The following OFD1 variants were observed in gnomAD, a reference collection of about 807,000 sequenced individuals.
The protein encoded by OFD1 is centriole and centriolar satellite protein OFD1.
OFD1 carries 12 observed loss-of-function variants against 81.4 expected under a neutral mutation model. That is an observed-to-expected ratio of 0.15 (90% CI 0.09 to 0.24). OFD1 has a LOEUF of 0.24. Among genes scored for constraint, OFD1 ranks in the 10% least tolerant of loss-of-function variants. OFD1 has a pLI of 1.00. For synonymous variants in OFD1, 256 were observed against 263.7 expected (o/e 0.97, Z 0.28); for missense variants, 685 against 733.9 (o/e 0.93, Z 0.77).
chrX:13,755,998 T>C (rs2047695761), intron 12 of OFD1, among the ~76,000 whole-genome samples: 1 of 90,896 alleles, frequency 1.1e-5, no homozygotes, highest in Admixed American at 1.5e-4. Flanking sequence ...TCGCCCAGGC[T>C]GGAGTGCAGT....
rs779977978 is a variant in OFD1, at chrX:13,740,238, C to G, written c.412+1206C>G. 9.8e-6 allele frequency: 8 copies of G among 820,473 alleles called. No homozygotes were observed. In the South Asian group the frequency reaches 1.5e-4, roughly 15 times the overall value. The allele number at this position is 820,473 out of a possible 1,213,427, so 67.6% of individuals were successfully genotyped here. On this transcript the variant is annotated intron_variant, in intron 5 of 22. Coordinates refer to ENST00000340096, the MANE Select transcript of OFD1 (RefSeq NM_003611.3). ...GGTAAATGATCCTATATTCTGTACT[C>G]TAAGTGTCGTCCAGTGTGACTCTCT...
chrX:13,722,591 A>G, the OFD1 span, among the ~76,000 whole-genome samples: 1 of 111,789 alleles, frequency 8.9e-6, no homozygotes. Flanking sequence ...CTGGGAGAAA[A>G]TGACCTCATT....
chrX:13,722,923 T>C, the OFD1 span, among the ~76,000 whole-genome samples: 2 of 108,723 alleles, frequency 1.8e-5, no homozygotes, highest in Non-Finnish European at 3.8e-5. Context: ...ATTAGCCGAG[T>C]GTGGTGGTGG....
At chrX:13,735,561 G>T (rs1435327362) in intron 2 of OFD1, among the ~76,000 whole-genome samples, 2 of 112,432 alleles carry the variant, frequency 1.8e-5, no homozygotes, top group African/African-American at 3.2e-5. Context: ...TCTTAAAGGA[G>T]CATATTCAAA....
chrX:13,755,302 C>A, intron 12 of OFD1, 60 bp downstream of exon 12: 1 of 835,170 alleles, frequency 1.2e-6, no homozygotes, highest in South Asian at 2.1e-5. Flanking sequence ...AAATTTTAGT[C>A]ATACATAATT....
upstream of OFD1, among the ~76,000 whole-genome samples, chrX:13,733,765 A>C (rs1286993602): frequency 9.2e-6 from 1 of 109,204 alleles, no homozygotes; most frequent in Non-Finnish European, 1.9e-5. Flanking sequence ...TTTTCTTTTA[A>C]TGATTCCTTT....
At chrX:13,757,375 G>C (rs1267635519) in intron 13 of OFD1, among the ~76,000 whole-genome samples, 1 of 111,890 alleles carries the variant, frequency 8.9e-6, no homozygotes, top group African/African-American at 3.3e-5. Flanking sequence ...CAGTAGAGGA[G>C]AGAAACAGGC....
In OFD1 at chrX:13,768,186, A is replaced by G; in HGVS notation, c.2890A>G (p.Ile964Val). 4 of 1,211,481 alleles carry G rather than the reference A, an allele frequency of 3.3e-6. No individual in the cohort carries two copies. The highest frequency in any genetic ancestry group is 4.5e-6 in the Non-Finnish European group (4 of 895,029). ...SENPLEKYMK[I>V]IQQEQDQESA... The stretch of plus-strand genomic sequence containing the variant: ...AAATCCTTTAGAGAAATACATGAAA[A>G]TCATCCAGCAGGAGCAAGACCAGGA... The change falls in exon 21 of 23, where the codon ATC becomes GTC. Residue 964 changes from isoleucine to valine, a missense_variant. Around this residue, in one of 3 missense-constraint regions of OFD1, gnomAD observed 259 missense variants for 254.4 expected, o/e 1.02. Transcript: ENST00000340096.
chrX:13,756,926 G>A (rs1221124604), intron 13 of OFD1, among the ~76,000 whole-genome samples, 159 bp downstream of exon 13: 1 of 112,154 alleles, frequency 8.9e-6, no homozygotes, highest in African/African-American at 3.2e-5. Flanking sequence ...CCTGCCTATA[G>A]GTGGTATCAA....
At chrX:13,723,992 CA>C in the OFD1 span, among the ~76,000 whole-genome samples, 1 of 111,830 alleles carries the variant, frequency 8.9e-6, no homozygotes, top group African/African-American at 3.3e-5. Context: ...AGAGGAAAGT[CA>C]GGGGGAAGTG....
At chrX:13,714,589 T>C in the OFD1 span, 325 of 559,221 alleles carry the variant, frequency 5.8e-4, 2 homozygotes, top group African/African-American at 6.4e-3. Context: ...AGTTTTAAAT[T>C]AAAAACCAAA....
Position 13,757,715 on chromosome X carries a change from C to T in OFD1, c.1467C>T (p.Ala489=), listed in dbSNP as rs1366105128. 25 of 1,207,801 alleles carry T rather than the reference C, an allele frequency of 2.1e-5. No individual in the cohort carries two copies. The highest frequency in any genetic ancestry group is 5.3e-5 in the African/African-American group (3 of 56,597). The change falls in exon 14 of 23, where the codon GCC becomes GCT. Residue 489 remains alanine, a synonymous_variant. Coordinates refer to ENST00000340096, the MANE Select transcript of OFD1 (RefSeq NM_003611.3). ...TCTTTCAGAAAGAACTACGGAAAGC[C>T]GAAAAGGCTATAGTGGTTGAGCATG... The part of the protein sequence containing the change: ...LAVFQKELRK[A]EKAIVVEHEE...
At chrX:13,734,727 C>G, upstream of OFD1, 2 of 1,017,390 alleles carry the variant, frequency 2.0e-6, no homozygotes, top group Non-Finnish European at 2.5e-6. Flanking sequence ...CTATATTTAG[C>G]AGGTTTCCGG....
At chrX:13,757,328 T>C (rs2047747149) in intron 13 of OFD1, among the ~76,000 whole-genome samples, 1 of 112,080 alleles carries the variant, frequency 8.9e-6, no homozygotes, top group African/African-American at 3.2e-5. Flanking sequence ...AGGGCTGTCA[T>C]CAACAGGTAG....
At chrX:13,736,978 A>G (rs1602771736) in intron 3 of OFD1, among the ~76,000 whole-genome samples, 1 of 112,356 alleles carries the variant, frequency 8.9e-6, no homozygotes, top group Non-Finnish European at 1.9e-5. Flanking sequence ...GACTCTGCCA[A>G]TCTGCTGAAT....
At chrX:13,753,632 C>T (rs1318641702) in intron 11 of OFD1, 191 bp downstream of exon 11, 3 of 411,752 alleles carry the variant, frequency 7.3e-6, no homozygotes, top group Non-Finnish European at 1.3e-5. Context: ...GAGGAACCTT[C>T]ATGTTTAATA....
the OFD1 span, among the ~76,000 whole-genome samples, chrX:13,717,712 C>G: frequency 9.0e-6 from 1 of 111,477 alleles, no homozygotes; most frequent in Non-Finnish European, 1.9e-5. Flanking sequence ...GCACTCCAGC[C>G]TGGGGGACAA....
intron 16 of OFD1, 59 bp downstream of exon 16, chrX:13,760,779 A>G: frequency 3.4e-6 from 4 of 1,191,302 alleles, no homozygotes; most frequent in Non-Finnish European, 1.1e-6. Flanking sequence ...CACCCTGCCC[A>G]CGACACAGGG....
At chrX:13,745,302 C>T (rs191500426) in intron 6 of OFD1, among the ~76,000 whole-genome samples, 215 of 111,835 alleles carry the variant, frequency 1.9e-3, no homozygotes, top group African/African-American at 6.8e-3. Context: ...CTAGTAGCCA[C>T]GTTGAAAAAA....
Sources: gnomAD v4.1 joint callset for allele counts (sites outside exome capture counted in the v4.1 genomes callset) on GRCh38, gnomAD v4.1.1 for gene constraint, gnomAD v4.1.1 regional missense constraint, MANE v1.5 for transcripts, NCBI Gene and HGNC (gene_info 2026-07-23, HGNC 2026-07-21) for gene names.